GALM: variants seen among roughly 807,000 people sequenced by gnomAD.
The protein encoded by GALM is aldose 1-epimerase.
Under a neutral mutation model 37.4 loss-of-function variants are expected in GALM, and 43 were observed. The observed-to-expected ratio is 1.15, with a 90% CI of 0.90 to 1.48. GALM has a LOEUF of 1.48. Ranked by LOEUF, GALM falls within the 40% of genes most tolerant of loss-of-function variation. The pLI is 0.00. For synonymous variants in GALM, 199 were observed against 170.6 expected, an observed-to-expected ratio of 1.17 and a Z score of -1.30; for missense variants, 456 against 419.1, an observed-to-expected ratio of 1.09 and a Z score of -0.77.
chr2:38,669,122 C>G (rs1665024376), intron 1 of GALM: 1 of 152,182 alleles, frequency 6.6e-6, no homozygotes, highest in South Asian at 2.1e-4. Context: ...GAGACCACCC[C>G]TCATATTGCC....
chr2:38,733,404 A>G, intron 6 of GALM, 84 bp from the exon 7 acceptor site: 2 of 1,113,262 alleles, frequency 1.8e-6, no homozygotes, highest in Non-Finnish European at 2.8e-6. Context: ...GCACTGGTCT[A>G]GAAGCCCGTC....
chr2:38,674,342 A>T (rs1665186114), intron 1 of GALM, among the ~76,000 whole-genome samples: 1 of 152,090 alleles, frequency 6.6e-6, no homozygotes, highest in Non-Finnish European at 1.5e-5. Context: ...GGCACAGGCC[A>T]CGACACCCAG....
intron 4 of GALM, among the ~76,000 whole-genome samples, chr2:38,725,363 C>T (rs1428365328): frequency 1.3e-5 from 2 of 150,520 alleles, no homozygotes; most frequent in Admixed American, 1.3e-4. Flanking sequence ...AGTGAGACCC[C>T]CATCTCTTCA....
chr2:38,721,929 G>C (rs1666383438), intron 4 of GALM, among the ~76,000 whole-genome samples: 1 of 151,604 alleles, frequency 6.6e-6, no homozygotes, highest in Admixed American at 6.6e-5. Context: ...CGCTATTCTA[G>C]ATGTCTTTCA....
chr2:38,707,093 T>G (rs1345958738), intron 4 of GALM, among the ~76,000 whole-genome samples: 1 of 119,684 alleles, frequency 8.4e-6, no homozygotes, highest in Non-Finnish European at 1.7e-5. Context: ...GAGTTGTGAG[T>G]AGGGGAGGAG....
intron 2 of GALM, among the ~76,000 whole-genome samples, chr2:38,678,318 A>T: frequency 6.6e-6 from 1 of 151,228 alleles, no homozygotes; most frequent in African/African-American, 2.4e-5. Context: ...CCACCAACAC[A>T]TTTTTTTTTA....
chr2:38,706,511 C>CAAT, intron 4 of GALM, among the ~76,000 whole-genome samples: 1 of 68,526 alleles, frequency 1.5e-5, no homozygotes, highest in East Asian at 3.6e-4. Context: ...CCCATCTCTA[C>CAAT]AAAAAAAAAA....
intron 1 of GALM, chr2:38,668,315 G>A (rs1665006422): frequency 6.5e-6 from 1 of 152,914 alleles, no homozygotes; most frequent in African/African-American, 2.4e-5. Flanking sequence ...GCCTCCCAAA[G>A]TGCTGGGATT....
At chr2:38,707,352 C>A (rs999048062) in intron 4 of GALM, among the ~76,000 whole-genome samples, 1 of 151,938 alleles carries the variant, frequency 6.6e-6, no homozygotes, top group Non-Finnish European at 1.5e-5. Flanking sequence ...AGGACCAAAC[C>A]CTGGGAAACT....
intron 2 of GALM, among the ~76,000 whole-genome samples, chr2:38,678,676 C>T (rs1012895178): frequency 3.3e-5 from 5 of 152,128 alleles, no homozygotes; most frequent in African/African-American, 7.2e-5. Flanking sequence ...TTTCACTAAG[C>T]TCAGTGAAAG....
Position 38,696,811 on chromosome 2 carries a change from A to G in GALM, c.634+6917A>G, listed in dbSNP as rs1176762519. Among the ~76,000 whole-genome samples the G allele has an allele frequency of 9.8e-5, 9 of 91,912 alleles. No homozygotes were observed. The Admixed American group carries it at 9.8e-4, about 10-fold the overall frequency. 60.3% of individuals were successfully genotyped at this position (91,912 alleles called of 152,430 possible). A position where few individuals can be genotyped will look rare whatever the true frequency, so the allele number is the denominator to read the frequency against. On this transcript the variant is annotated intron_variant, in intron 4 of 6. Coordinates refer to ENST00000272252, the MANE Select transcript of GALM (RefSeq NM_138801.3). ...TTTTTTTTTTTTTTTTTTTTTTGAGACAGAGTCTTGCTCTGTCAACCAGGC... is the reference window on the plus strand; with the variant it reads ...TTTTTTTTTTTTTTTTTTTTTTGAGGCAGAGTCTTGCTCTGTCAACCAGGC...
At chr2:38,695,601 G>A (rs1475491391) in intron 4 of GALM, among the ~76,000 whole-genome samples, 1 of 152,162 alleles carries the variant, frequency 6.6e-6, no homozygotes, top group Non-Finnish European at 1.5e-5. Context: ...CTTTTACTGC[G>A]TAAATCAGTT....
chr2:38,683,546 G>A (rs1250851631), intron 3 of GALM, among the ~76,000 whole-genome samples: 1 of 140,724 alleles, frequency 7.1e-6, no homozygotes, highest in African/African-American at 3.3e-5. Context: ...TCAGATTTTG[G>A]AGCATTTCAG....
intron 4 of GALM, among the ~76,000 whole-genome samples, chr2:38,718,375 T>C (rs1666311967): frequency 6.6e-6 from 1 of 151,362 alleles, no homozygotes; most frequent in Admixed American, 6.6e-5. Flanking sequence ...ATTTTTGTAT[T>C]TTCAGTAGAG....
At chr2:38,731,384 A>G (rs1243121062) in intron 5 of GALM, among the ~76,000 whole-genome samples, 1 of 134,352 alleles carries the variant, frequency 7.4e-6, no homozygotes, top group African/African-American at 2.9e-5. Flanking sequence ...GCAATAGAGA[A>G]AGACTCTATT....
At position 38,670,157 on chromosome 2, in the gene GALM, C is replaced by G. The variant is rs144380465; in HGVS notation, c.190+3806C>G. Among the ~76,000 whole-genome samples the G allele has an allele frequency of 9.1e-3, 1,378 of 152,186 alleles. 17 individuals carry two copies. The highest frequency in any genetic ancestry group is 0.031 in the African/African-American group (1,293 of 41,550). The stretch of plus-strand genomic sequence containing the variant: ...GGGATTACAGGTGTGAGCCACCACG[C>G]CCAGCCTAAAAATATTTTTCATCGG... On this transcript the variant is annotated intron_variant, in intron 1 of 6. Transcript: ENST00000272252.
Position 38,733,991 on chromosome 2 carries a change from T to G in GALM, c.*426T>G. The G allele has an allele frequency of 3.8e-6, 1 of 266,132 alleles. No individual in the cohort carries two copies. 16.5% of individuals were successfully genotyped at this position (266,132 alleles called of 1,614,324 possible). On this transcript the variant is annotated 3_prime_UTR_variant, in exon 7 of 7. Transcript: ENST00000272252. ...AGCAGCACTCTGGAGTTTTCAAATG[T>G]CACATTAGCCTCACCCTGCATGCTA...
chr2:38,710,374 C>T (rs895209435), intron 4 of GALM, among the ~76,000 whole-genome samples: 1 of 152,172 alleles, frequency 6.6e-6, no homozygotes, highest in African/African-American at 2.4e-5. Context: ...GGACAGGATG[C>T]TTACTGTGCA....
Position 38,681,268 on chromosome 2 carries a change from A to G in GALM, c.346-12A>G. ...GGAGCAACTACACAACTTTGAAAAC[A>G]CTTTTTTCCAGGTGCTCTGGACCCC... On this transcript the variant is annotated splice_polypyrimidine_tract_variant and intron_variant, in intron 2 of 6. Transcript: ENST00000272252. 3 of 1,610,736 alleles carry G rather than the reference A, an allele frequency of 1.9e-6. No individual in the cohort carries two copies. The highest frequency in any genetic ancestry group is 4.5e-5 in the East Asian group (2 of 44,890).
Sources: gnomAD v4.1 joint callset for allele counts (sites outside exome capture counted in the v4.1 genomes callset) on GRCh38, gnomAD v4.1.1 for gene constraint, MANE v1.5 for transcripts, NCBI Gene and HGNC (gene_info 2026-07-23, HGNC 2026-07-21) for gene names.